VCAN: variants seen among roughly 807,000 people sequenced by gnomAD.
VCAN encodes the protein versican core protein.
A neutral mutation model predicts 245.5 loss-of-function variants in VCAN; 44 were observed. That is an observed-to-expected ratio of 0.18 (90% CI 0.14 to 0.23). The LOEUF is 0.23. Ranked by LOEUF, VCAN falls within the 10% of genes least tolerant of loss-of-function variation. VCAN has a pLI of 1.00. For synonymous variants in VCAN, 1,413 were observed against 1,437.0 expected (o/e 0.98, Z 0.38); for missense variants, 3,793 against 4,057.9 (o/e 0.93, Z 1.77).
At chr5:83,499,051 A>G (rs1745252848) in intron 5 of VCAN, among the ~76,000 whole-genome samples, 1 of 151,912 alleles carries the variant, frequency 6.6e-6, no homozygotes, top group Admixed American at 6.6e-5. Context: ...CCTGCTTGCA[A>G]GTCTGCTCTG....
chr5:83,574,525 T>G (rs1311112469), intron 13 of VCAN, among the ~76,000 whole-genome samples: 1 of 152,186 alleles, frequency 6.6e-6, no homozygotes, highest in Admixed American at 6.5e-5. Flanking sequence ...ATTTCAACAT[T>G]TGGGATTTTA....
rs768896921 is a variant in VCAN at position 83,554,989 on chromosome 5, A to G, written c.9686A>G (p.Asn3229Ser). ...CATGATTATCAGTGGATAGGCCTCA[A>G]TGACAAGATGTTTGAGCATGACTTC... The part of the protein sequence containing the change: ...VGHDYQWIGL[N>S]DKMFEHDFRW... Residue 3229 changes from asparagine to serine, a missense_variant, in exon 12 of 15, where the codon AAT becomes AGT. This residue lies in a region of VCAN where 205 missense variants were observed against 321.1 expected (regional missense o/e 0.64). Coordinates refer to ENST00000265077, the MANE Select transcript of VCAN (RefSeq NM_004385.5). 80 of 1,613,620 alleles carry G rather than the reference A, an allele frequency of 5.0e-5. No individual in the cohort carries two copies. The highest frequency in any genetic ancestry group is 1.6e-4 in the Middle Eastern group (1 of 6,078).
chr5:83,512,259 C>T lies in VCAN; in HGVS notation c.905C>T (p.Ala302Val), dbSNP rs748822141. Reference sequence around the variant, plus strand: ...TGCGATTACGGGTGGCTGTCGGATGCCAGCGTGCGCCACCCTGTGACTGTG... The same window carrying T: ...TGCGATTACGGGTGGCTGTCGGATGTCAGCGTGCGCCACCCTGTGACTGTG... Reference protein sequence around the residue: ...DQCDYGWLSDASVRHPVTVAR... With the variant: ...DQCDYGWLSDVSVRHPVTVAR... Residue 302 changes from alanine to valine, a missense_variant, in exon 6 of 15, where the codon GCC becomes GTC. This residue lies in a region of VCAN where 190 missense variants were observed against 288.6 expected (regional missense o/e 0.66). Coordinates refer to ENST00000265077, the MANE Select transcript of VCAN (RefSeq NM_004385.5). The T allele has an allele frequency of 1.2e-6, 2 of 1,614,158 alleles. No homozygotes were observed. The highest frequency in any genetic ancestry group is 2.2e-5 in the South Asian group (2 of 91,076).
Position 83,580,423 on chromosome 5 carries a change from T to C in VCAN, c.10180T>C (p.Ser3394Pro). ...TCGTTGGAGCCGGAGGTGGCAGGAG[T>C]CGAGGCGCTGATCCCTAAAATGGCG... ...DHRWSRRWQESRR is the reference protein window; with the variant it reads ...DHRWSRRWQEPRR Residue 3394 changes from serine (S) to proline (P), a missense_variant, in exon 15 of 15, where the codon TCG becomes CCG. Around this residue, in one of 5 missense-constraint regions of VCAN, gnomAD observed 37 missense variants for 28.2 expected, o/e 1.31. Coordinates refer to ENST00000265077, the MANE Select transcript of VCAN (RefSeq NM_004385.5). The C allele has an allele frequency of 6.2e-7, 1 of 1,613,048 alleles. No homozygotes were observed. Among genetic ancestry groups the C allele is most frequent in the African/African-American group, 1.3e-5 (1 of 74,752 alleles).
Position 83,483,605 on chromosome 5 carries a change from T to C in VCAN, c.70+17T>C, listed in dbSNP as rs374274544. The stretch of plus-strand genomic sequence containing the variant: ...TACATAAAGGTGAGTGTGCTAACAA[T>C]TTCTTTGGTGTTAATTGAAATAAAA... On this transcript the variant is annotated intron_variant, in intron 2 of 14. Transcript: ENST00000265077. 148 of 1,609,822 alleles carry C rather than the reference T, an allele frequency of 9.2e-5. No homozygotes were observed. The highest frequency in any genetic ancestry group is 1.2e-4 in the Non-Finnish European group (138 of 1,176,510).
At chr5:83,506,520 CA>C (rs1354245362) in intron 5 of VCAN, among the ~76,000 whole-genome samples, 2 of 78,158 alleles carry the variant, frequency 2.6e-5, no homozygotes, top group African/African-American at 2.8e-4. Context: ...ACCTTATTGT[CA>C]ATATCATCAG....
At chr5:83,556,625 T>A (rs1372131326) in intron 12 of VCAN, among the ~76,000 whole-genome samples, 1 of 152,336 alleles carries the variant, frequency 6.6e-6, no homozygotes, top group East Asian at 1.9e-4. Flanking sequence ...GTATTGGATC[T>A]GTATCTGCAA....
chr5:83,547,941 A>G (rs1747298587), intron 9 of VCAN, 30 bp from the exon 10 acceptor site: 1 of 1,491,442 alleles, frequency 6.7e-7, no homozygotes, highest in African/African-American at 1.4e-5. Context: ...TTTTGAAAGT[A>G]TTTTGTGAGC....
Position 83,541,254 on chromosome 5 carries a change from T to C in VCAN, c.8251T>C (p.Tyr2751His), listed in dbSNP as rs146109462. Residue 2751 changes from tyrosine to histidine, a missense_variant, in exon 8 of 15, where the codon TAT (tyrosine) becomes CAT (histidine). This residue lies in a region of VCAN where 3,182 missense variants were observed against 3,250.3 expected (regional missense o/e 0.98). Coordinates refer to ENST00000265077, the MANE Select transcript of VCAN (RefSeq NM_004385.5). ...LGQFERTQEE[Y>H]EDKKHAGPSF... Reference sequence around the variant, plus strand: ...CCAATTTGAAAGGACTCAGGAGGAGTATGAAGACAAAAAACATGCTGGTCC... The same window carrying C: ...CCAATTTGAAAGGACTCAGGAGGAGCATGAAGACAAAAAACATGCTGGTCC... The C allele has an allele frequency of 1.7e-5, 27 of 1,613,536 alleles. No individual in the cohort carries two copies. The highest frequency in any genetic ancestry group is 2.2e-5 in the Non-Finnish European group (26 of 1,179,938).
chr5:83,553,629 C>A, intron 11 of VCAN, 107 bp downstream of exon 11: 1 of 1,407,294 alleles, frequency 7.1e-7, no homozygotes, highest in Non-Finnish European at 9.8e-7. Flanking sequence ...CATAATACAA[C>A]TTATCAAATC....
rs1434129544 is a variant in VCAN, at chr5:83,541,075, C to T, written c.8072C>T (p.Thr2691Ile). The T allele has an allele frequency of 4.3e-6, 7 of 1,613,950 alleles. No individual in the cohort carries two copies. In the Admixed American group the frequency reaches 8.3e-5, roughly 19 times the overall value. ...TTAGACGTTTTACTTCCCACGGCAA[C>T]ATCCCTGCCAATTCCTCGTAAGTCT... ...TELDVLLPTA[T>I]SLPIPRKSAT... Residue 2691 changes from threonine (T) to isoleucine (I), a missense_variant, in exon 8 of 15, where the codon ACA becomes ATA. Transcript: ENST00000265077.
At chr5:83,493,169 C>G (rs1404540900) in intron 3 of VCAN, among the ~76,000 whole-genome samples, 1 of 152,200 alleles carries the variant, frequency 6.6e-6, no homozygotes. Context: ...AGAAGTTGAT[C>G]TTGTGGTCCC....
chr5:83,551,677 G>A (rs935973950), intron 10 of VCAN, among the ~76,000 whole-genome samples: 1 of 152,130 alleles, frequency 6.6e-6, no homozygotes, highest in African/African-American at 2.4e-5. Flanking sequence ...TAATGTCCAT[G>A]GTTAAGGAAA....
chr5:83,565,212 A>G (rs1313269555), intron 12 of VCAN, among the ~76,000 whole-genome samples: 1 of 152,198 alleles, frequency 6.6e-6, no homozygotes, highest in East Asian at 1.9e-4. Flanking sequence ...TGTATTGGAC[A>G]GCTCAGTTTT....
At position 83,553,330 on chromosome 5, in the gene VCAN, T is replaced by C. The variant is rs1415583780; in HGVS notation, c.9494-34T>C. On this transcript the variant is annotated intron_variant, in intron 10 of 14. Transcript: ENST00000265077. ...GGGTGCCAAGTTTGAATGACGTATG[T>C]GCGTTTAATAAGCTCCTGCCTGTTT... is the stretch of plus-strand genomic sequence containing the variant. 7 of 1,613,278 alleles carry C rather than the reference T, an allele frequency of 4.3e-6. No homozygotes were observed. The Middle Eastern group carries it at 6.6e-4, about 152-fold the overall frequency.
At chr5:83,574,950 A>G (rs550440873) in intron 13 of VCAN, among the ~76,000 whole-genome samples, 3 of 152,184 alleles carry the variant, frequency 2.0e-5, no homozygotes, top group Admixed American at 6.5e-5. Flanking sequence ...TCCCTAAACA[A>G]ATAGAAATTC....
chr5:83,526,332 A>T (rs1746300141), intron 7 of VCAN, among the ~76,000 whole-genome samples: 1 of 152,246 alleles, frequency 6.6e-6, no homozygotes, highest in African/African-American at 2.4e-5. Flanking sequence ...ATTTTAAAGA[A>T]CATTTTAATT....
At chr5:83,515,738 A>G (rs1434264256) in intron 6 of VCAN, among the ~76,000 whole-genome samples, 1 of 152,106 alleles carries the variant, frequency 6.6e-6, no homozygotes, top group East Asian at 1.9e-4. Flanking sequence ...TTTCTATCCT[A>G]TCTTATATAC....
intron 1 of VCAN, among the ~76,000 whole-genome samples, chr5:83,473,040 C>G (rs1353421717): frequency 6.6e-6 from 1 of 152,182 alleles, no homozygotes; most frequent in Admixed American, 6.5e-5. Context: ...ATTCCCCACC[C>G]TCTCCTAGTT....
Sources: allele counts gnomAD v4.1 joint callset (sites outside exome capture counted in the v4.1 genomes callset), GRCh38; gene constraint gnomAD v4.1.1; regional missense constraint gnomAD v4.1.1; transcripts MANE v1.5; gene names NCBI Gene and HGNC (gene_info 2026-07-23, HGNC 2026-07-21).